Variants in RALGDS observed in about 807,000 individuals in gnomAD.
The protein encoded by RALGDS is ral guanine nucleotide dissociation stimulator.
Under a neutral mutation model 99.8 loss-of-function variants are expected in RALGDS, and 44 were observed. The observed-to-expected ratio is 0.44, with a 90% CI of 0.35 to 0.57. The LOEUF is 0.57. Among genes scored for constraint, RALGDS ranks in the 20% least tolerant of loss-of-function variants. The pLI, the probability that RALGDS is intolerant of heterozygous loss-of-function variation, is 0.01. For missense variants in RALGDS, 1,022 were observed against 1,203.1 expected, an observed-to-expected ratio of 0.85 and a Z score of 2.23; for synonymous variants, 529 against 505.0, an observed-to-expected ratio of 1.05 and a Z score of -0.64.
intron 1 of RALGDS, among the ~76,000 whole-genome samples, chr9:133,119,580 G>C (rs968913159): frequency 1.3e-5 from 2 of 152,126 alleles, no homozygotes; most frequent in Non-Finnish European, 2.9e-5. Context: ...CACGGCCACT[G>C]TGAGCGCTCC....
At position 133,110,461 on chromosome 9, in the gene RALGDS, T is replaced by C; in HGVS notation, c.323A>G (p.Tyr108Cys). The change falls in exon 3 of 18, where the codon TAT becomes TGT. Residue 108 changes from tyrosine (Y) to cysteine (C), a missense_variant. Tyr to Cys is a radical substitution (Grantham distance 194). Transcript: ENST00000372050. ...GYENESALNL[Y>C]ETCKVRTVKA... is the part of the protein sequence containing the mutation. ...CACGGTCCGCACCTTGCAAGTCTCA[T>C]AAAGGTTCAGGGCCGACTCATTCTC... 6.2e-7 allele frequency: 1 copy of C among 1,613,148 alleles called. No homozygotes were observed. Among genetic ancestry groups the C allele is most frequent in the Non-Finnish European group, 8.5e-7 (1 of 1,179,796 alleles).
upstream of RALGDS, among the ~76,000 whole-genome samples, chr9:133,123,301 G>C (rs943506950): frequency 6.6e-6 from 1 of 152,140 alleles, no homozygotes; most frequent in Admixed American, 6.5e-5. Context: ...TATCTCCTTC[G>C]CTGAGTGATG....
upstream of RALGDS, among the ~76,000 whole-genome samples, chr9:133,125,858 G>A (rs576143771): frequency 1.1e-3 from 175 of 152,276 alleles, no homozygotes; most frequent in African/African-American, 4.0e-3. Context: ...CAGGCTCACC[G>A]TTTCCTGTAT....
chr9:133,111,326 G>C (rs1394958602), intron 2 of RALGDS, among the ~76,000 whole-genome samples: 2 of 152,186 alleles, frequency 1.3e-5, no homozygotes, highest in African/African-American at 4.8e-5. Context: ...AGTCACCCAG[G>C]CTAGAGTGCA....
rs775223244 is a variant in RALGDS, at chr9:133,098,768, G to C, written c.2570-6C>G. 2 of 1,613,758 alleles carry C rather than the reference G, an allele frequency of 1.2e-6. No individual in the cohort carries two copies. Among genetic ancestry groups the C allele is most frequent in the East Asian group, 2.2e-5 (1 of 44,854 alleles). The stretch of plus-strand genomic sequence containing the variant: ...GTTTTCAGGGATCTTCAGCTCTGGT[G>C]GGGAGGGGCAGAGGGGTGATCAGGG... On this transcript the variant is annotated splice_region_variant and splice_polypyrimidine_tract_variant and intron_variant, in intron 17 of 17. Transcript: ENST00000372050.
intron 17 of RALGDS, chr9:133,099,988 C>T (rs1246533972): frequency 7.9e-6 from 4 of 503,844 alleles, no homozygotes; most frequent in Admixed American, 6.5e-5. Context: ...CAGTGGGCCA[C>T]GTGGCTAACC....
upstream of RALGDS, among the ~76,000 whole-genome samples, chr9:133,132,282 A>C (rs549332275): frequency 7.2e-5 from 11 of 152,338 alleles, no homozygotes; most frequent in East Asian, 2.1e-3. Context: ...CGCCCTGTGC[A>C]GACAGGCAGG....
chr9:133,107,340 A>C, intron 6 of RALGDS, 40 bp from the exon 7 acceptor site: 1 of 1,546,126 alleles, frequency 6.5e-7, no homozygotes, highest in Non-Finnish European at 8.9e-7. Flanking sequence ...CTGCCCCAGC[A>C]GTCTGGGCTG....
chr9:133,110,663 C>T (rs2119169521), intron 2 of RALGDS, among the ~76,000 whole-genome samples, 174 bp from the exon 3 acceptor site: 1 of 151,804 alleles, frequency 6.6e-6, no homozygotes. Context: ...TGGTGGCTCA[C>T]ATCAGTCATC....
In RALGDS at chr9:133,100,210, G is replaced by A. The variant is rs1447208342; in HGVS notation, c.2569+58C>T. The A allele has an allele frequency of 6.1e-6, 9 of 1,479,214 alleles. No individual in the cohort carries two copies. The Admixed American group carries it at 1.5e-4, about 25-fold the overall frequency. 91.6% of individuals were successfully genotyped at this position (1,479,214 alleles called of 1,614,324 possible). A position where few individuals can be genotyped will look rare whatever the true frequency, so the allele number is the denominator to read the frequency against. Reference sequence around the variant, plus strand: ...TGGGGCCAAAGGCTTCCAACCTGGGGCTGGGGAGTGGTGTGGACCTGCCCC... The same window carrying A: ...TGGGGCCAAAGGCTTCCAACCTGGGACTGGGGAGTGGTGTGGACCTGCCCC... On this transcript the variant is annotated intron_variant, in intron 17 of 17. Transcript: ENST00000372050.
chr9:133,100,017 C>G, intron 17 of RALGDS: 2 of 565,914 alleles, frequency 3.5e-6, no homozygotes, highest in Non-Finnish European at 6.4e-6. Flanking sequence ...TGAAAAATGC[C>G]TTTTCTCTTT....
chr9:133,100,555 T>A, intron 16 of RALGDS, 173 bp from the exon 17 acceptor site: 1 of 1,482,378 alleles, frequency 6.7e-7, no homozygotes, highest in South Asian at 1.3e-5. Flanking sequence ...ACTCCCCAAG[T>A]GAGGCCTCCG....
chr9:133,121,306 G>C (rs1027124136), upstream of RALGDS: 5 of 809,978 alleles, frequency 6.2e-6, no homozygotes, highest in African/African-American at 9.3e-5. Flanking sequence ...AAGAGGGTGG[G>C]GCCGGGGAGG....
intron 1 of RALGDS, among the ~76,000 whole-genome samples, chr9:133,114,036 T>TC (rs1026789268): frequency 2.0e-5 from 3 of 152,188 alleles, no homozygotes; most frequent in African/African-American, 7.2e-5. Flanking sequence ...GCCTCGGCTG[T>TC]CCCTGAGCAG....
intron 16 of RALGDS, chr9:133,101,005 A>G: frequency 9.5e-7 from 1 of 1,055,370 alleles, no homozygotes; most frequent in Non-Finnish European, 1.1e-6. Flanking sequence ...CTGGAGGATG[A>G]AGAAAGAGCC....
At chr9:133,119,771 C>T (rs996926892) in intron 1 of RALGDS, among the ~76,000 whole-genome samples, 1 of 152,062 alleles carries the variant, frequency 6.6e-6, no homozygotes, top group Admixed American at 6.5e-5. Flanking sequence ...CGGCCATCTG[C>T]CAAGCTCAGG....
chr9:133,119,706 C>G (rs1339488039), intron 1 of RALGDS, among the ~76,000 whole-genome samples: 5 of 152,162 alleles, frequency 3.3e-5, no homozygotes, highest in Admixed American at 3.3e-4. Flanking sequence ...CCTCTCCAGC[C>G]GCCAATGAGG....
At chr9:133,129,577 A>G (rs554385712) in intron 1 of RALGDS, among the ~76,000 whole-genome samples, 71 of 152,238 alleles carry the variant, frequency 4.7e-4, no homozygotes, top group Middle Eastern at 6.8e-3. Context: ...CCCCACTCCC[A>G]TTCCCCCTGT....
At chr9:133,129,516 G>C in intron 1 of RALGDS, 1 of 1,197,750 alleles carries the variant, frequency 8.3e-7, no homozygotes, top group Non-Finnish European at 1.1e-6. Context: ...CCGAGGACGA[G>C]TGGAGAGGCT....
Sources: gnomAD v4.1 joint callset for allele counts (sites outside exome capture counted in the v4.1 genomes callset) on GRCh38, gnomAD v4.1.1 for gene constraint, MANE v1.5 for transcripts, NCBI Gene and HGNC (gene_info 2026-07-23, HGNC 2026-07-21) for gene names.